PAM: variants seen among roughly 807,000 people sequenced by gnomAD.
PAM encodes the protein peptidylglycine alpha-amidating monooxygenase, also known as peptidyl-glycine alpha-amidating monooxygenase.
A neutral mutation model predicts 122.1 loss-of-function variants in PAM; 72 were observed. The ratio of observed to expected loss-of-function variants is 0.59; its 90% CI spans 0.49 to 0.72. PAM has a LOEUF of 0.72. PAM is among the 30% of genes least tolerant of loss of function. The probability of loss-of-function intolerance (pLI) is 0.00; values close to 1 mark genes in which losing one functional copy is unlikely to be tolerated. For synonymous variants in PAM, 389 were observed against 404.4 expected, an observed-to-expected ratio of 0.96 and a Z score of 0.46; for missense variants, 1,106 against 1,183.7, an observed-to-expected ratio of 0.93 and a Z score of 0.96.
At chr5:102,824,103 A>T (rs952379433) in intron 1 of PAM, among the ~76,000 whole-genome samples, 2 of 152,214 alleles carry the variant, frequency 1.3e-5, no homozygotes, top group Non-Finnish European at 2.9e-5. Flanking sequence ...GGGAAGCAGC[A>T]TTAAAGATGC....
chr5:102,900,254 T>TGTGTGGGGGGGGGGG (rs777616737), intron 3 of PAM, among the ~76,000 whole-genome samples: 1 of 26,978 alleles, frequency 3.7e-5, no homozygotes, highest in African/African-American at 1.7e-4. Flanking sequence ...TGTGTGTGTG[T>TGTGTGGGGGGGGGGG]GGGGGGGGGG....
chr5:102,999,940 A>T (rs536019005), intron 16 of PAM, among the ~76,000 whole-genome samples: 3 of 152,334 alleles, frequency 2.0e-5, no homozygotes, highest in Admixed American at 6.5e-5. Flanking sequence ...TATTGTTTTG[A>T]CAAGTAACTT....
At chr5:102,839,469 G>T (rs755437799) in intron 1 of PAM, among the ~76,000 whole-genome samples, 1 of 151,220 alleles carries the variant, frequency 6.6e-6, no homozygotes, top group African/African-American at 2.4e-5. Flanking sequence ...CCCGGGAGGT[G>T]GAGGTTGCAG....
chr5:102,784,867 C>A (rs539939241), intron 1 of PAM, among the ~76,000 whole-genome samples: 100 of 152,182 alleles, frequency 6.6e-4, no homozygotes, highest in Non-Finnish European at 1.1e-3. Context: ...GCATAAACAC[C>A]AGGTGAGTGG....
chr5:103,003,178 C>G, intron 17 of PAM, 29 bp downstream of exon 17: 1 of 941,162 alleles, frequency 1.1e-6, no homozygotes, highest in Admixed American at 1.7e-5. Flanking sequence ...GTTGTTAAGA[C>G]TTGTACTACA....
chr5:102,857,869 T>C (rs1783052718), intron 1 of PAM, among the ~76,000 whole-genome samples: 1 of 152,236 alleles, frequency 6.6e-6, no homozygotes, highest in Non-Finnish European at 1.5e-5. Context: ...TTTACCTATT[T>C]GTTATACCTG....
intron 16 of PAM, among the ~76,000 whole-genome samples, chr5:102,993,593 G>A (rs1204815720): frequency 6.6e-6 from 1 of 152,096 alleles, no homozygotes; most frequent in East Asian, 1.9e-4. Flanking sequence ...TTACAAATAA[G>A]AGAGAAAACT....
chr5:102,785,601 T>C (rs1760300629), intron 1 of PAM, among the ~76,000 whole-genome samples: 1 of 149,618 alleles, frequency 6.7e-6, no homozygotes, highest in Non-Finnish European at 1.5e-5. Context: ...TGGTGACTGA[T>C]TGGCTTGAAG....
At chr5:102,832,979 A>C (rs886409312) in intron 1 of PAM, among the ~76,000 whole-genome samples, 2 of 152,200 alleles carry the variant, frequency 1.3e-5, no homozygotes, top group Admixed American at 1.3e-4. Flanking sequence ...TGTAAGATGG[A>C]GATAATACTG....
At chr5:102,818,155 A>G (rs1770558010) in intron 1 of PAM, among the ~76,000 whole-genome samples, 1 of 150,498 alleles carries the variant, frequency 6.6e-6, no homozygotes, top group Non-Finnish European at 1.5e-5. Flanking sequence ...ATTTAACATA[A>G]CATATTGTTT....
chr5:102,977,658 GCA>G (rs10527378), intron 15 of PAM, among the ~76,000 whole-genome samples: 5,467 of 142,800 alleles, frequency 0.038, 99 homozygotes, highest in African/African-American at 0.039. Context: ...ATGCATGTGC[GCA>G]CACACACACA....
chr5:102,960,011 C>G lies in PAM; in HGVS notation c.1042C>G (p.Pro348Ala), dbSNP rs773549904. ...AACCATACCACCAGAGGCCAACATT[C>G]CAATTCCCGTGAAGTCTGATATGGT... Reference protein sequence around the residue: ...FRTIPPEANIPIPVKSDMVMM... With the variant: ...FRTIPPEANIAIPVKSDMVMM... The change falls in exon 13 of 26, where the codon CCA (proline) becomes GCA (alanine). Residue 348 changes from proline (P) to alanine (A), a missense_variant. Physicochemically the swap from Pro to Ala is conservative, Grantham distance 27 (BLOSUM62 -1). This residue lies in a region of PAM where 670 missense variants were observed against 690.3 expected (regional missense o/e 0.97). Coordinates refer to ENST00000438793, the MANE Select transcript of PAM (RefSeq NM_001177306.2). The G allele has an allele frequency of 2.5e-6, 4 of 1,611,560 alleles. No individual in the cohort carries two copies. In the African/African-American group the frequency reaches 5.3e-5, roughly 22 times the overall value.
chr5:103,002,884 T>C, intron 16 of PAM, 149 bp from the exon 17 acceptor site: 1 of 621,842 alleles, frequency 1.6e-6, no homozygotes, highest in Non-Finnish European at 2.9e-6. Context: ...GGGTATATTA[T>C]AATCCAAATG....
chr5:102,872,592 C>G lies in PAM; in HGVS notation c.210+5199C>G, dbSNP rs1787892041. On this transcript the variant is annotated intron_variant, in intron 3 of 25. Coordinates refer to ENST00000438793, the MANE Select transcript of PAM (RefSeq NM_001177306.2). ...ACCCAGCTTTCATGGGCTTTTCTTTCTGCACTCCTGTAAGGAATCAGTTTT... is the reference window on the plus strand; with the variant it reads ...ACCCAGCTTTCATGGGCTTTTCTTTGTGCACTCCTGTAAGGAATCAGTTTT... Among the ~76,000 whole-genome samples, 3 of 152,156 alleles carry G rather than the reference C, an allele frequency of 2.0e-5. No individual in the cohort carries two copies. The South Asian group carries it at 6.2e-4, about 32-fold the overall frequency.
chr5:102,937,941 CTTTTCA>C, intron 7 of PAM, among the ~76,000 whole-genome samples: 1 of 152,118 alleles, frequency 6.6e-6, no homozygotes, highest in South Asian at 2.1e-4. Flanking sequence ...TCATTTGTGC[CTTTTCA>C]TTTTCATGTC....
At chr5:102,785,387 G>A (rs942639598) in intron 1 of PAM, among the ~76,000 whole-genome samples, 2 of 152,194 alleles carry the variant, frequency 1.3e-5, no homozygotes, top group Non-Finnish European at 2.9e-5. Context: ...GTACTTTTGT[G>A]TTTTACAAAA....
chr5:103,005,720 T>G lies in PAM; in HGVS notation c.1803+494T>G, dbSNP rs115242344. ...GAATTTGGATTTGAGGCACAAACAT[T>G]CAGTCCATAACAATCCACATCTGAA... On this transcript the variant is annotated intron_variant, in intron 18 of 25. Coordinates refer to ENST00000438793, the MANE Select transcript of PAM (RefSeq NM_001177306.2). Among the ~76,000 whole-genome samples the G allele has an allele frequency of 5.0e-3, 760 of 152,284 alleles. 1 individual carries two copies. Among genetic ancestry groups the G allele is most frequent in the Non-Finnish European group, 8.7e-3 (594 of 68,026 alleles).
intron 2 of PAM, 63 bp downstream of exon 2, chr5:102,866,347 A>T (rs1785550855): frequency 1.8e-6 from 2 of 1,093,158 alleles, no homozygotes; most frequent in African/African-American, 1.5e-5. Context: ...CACTTTTATG[A>T]ACCTGAGTGT....
At chr5:102,819,867 ACT>A (rs144413759) in intron 1 of PAM, among the ~76,000 whole-genome samples, 2,159 of 151,960 alleles carry the variant, frequency 0.014, 44 homozygotes, top group African/African-American at 0.05. Flanking sequence ...ATTGGCAGAC[ACT>A]CTGTGATCAA....
Sources: gnomAD v4.1 joint callset for allele counts (sites outside exome capture counted in the v4.1 genomes callset) on GRCh38, gnomAD v4.1.1 for gene constraint, gnomAD v4.1.1 regional missense constraint, MANE v1.5 for transcripts, NCBI Gene and HGNC (gene_info 2026-07-23, HGNC 2026-07-21) for gene names.